AXDND1: variants seen among roughly 807,000 people sequenced by gnomAD.
AXDND1 encodes axonemal dynein light chain domain containing 1.
In AXDND1, 110 loss-of-function variants were observed where a neutral mutation model predicts 137.5. The observed-to-expected ratio is 0.80, with a 90% CI of 0.69 to 0.94. The LOEUF is 0.94. AXDND1 is among the 40% of genes least tolerant of loss of function. The probability of loss-of-function intolerance (pLI) is 0.00; values close to 1 mark genes in which losing one functional copy is unlikely to be tolerated. For synonymous variants in AXDND1, 414 were observed against 399.7 expected, an observed-to-expected ratio of 1.04 and a Z score of -0.43; for missense variants, 1,191 against 1,169.8, an observed-to-expected ratio of 1.02 and a Z score of -0.26.
At chr1:179,427,788 G>C (rs1193065297) in intron 12 of AXDND1, among the ~76,000 whole-genome samples, 1 of 152,026 alleles carries the variant, frequency 6.6e-6, no homozygotes, top group Non-Finnish European at 1.5e-5. Context: ...GACTCAGAGA[G>C]GTAATTTGCC....
chr1:179,394,303 A>C (rs1650671976), intron 10 of AXDND1, among the ~76,000 whole-genome samples: 1 of 152,192 alleles, frequency 6.6e-6, no homozygotes, highest in East Asian at 1.9e-4. Context: ...TAAAATATAG[A>C]TGTTGCTGGG....
chr1:179,419,902 T>C (rs1053689246), intron 12 of AXDND1, among the ~76,000 whole-genome samples: 2 of 152,220 alleles, frequency 1.3e-5, no homozygotes, highest in African/African-American at 4.8e-5. Context: ...TGAATGAGGC[T>C]AATTTGATTT....
At chr1:179,525,560 C>T (rs1670456230) in intron 22 of AXDND1, 113 bp downstream of exon 22, 2 of 1,238,152 alleles carry the variant, frequency 1.6e-6, no homozygotes, top group Non-Finnish European at 1.1e-6. Flanking sequence ...GCTGTGGTAT[C>T]ATCATAGCTC....
At chr1:179,403,131 A>G (rs1652365363) in intron 11 of AXDND1, among the ~76,000 whole-genome samples, 1 of 152,212 alleles carries the variant, frequency 6.6e-6, no homozygotes, top group Non-Finnish European at 1.5e-5. Flanking sequence ...CAATTAACAC[A>G]TATTTTGCAT....
intron 4 of AXDND1, 147 bp from the exon 5 acceptor site, chr1:179,378,489 TC>T: frequency 2.3e-6 from 1 of 438,648 alleles, no homozygotes; most frequent in East Asian, 4.2e-5. Flanking sequence ...AATGCCTCAG[TC>T]TTAGTAAAGT....
At chr1:179,533,692 G>C (rs1205710812) in intron 23 of AXDND1, 103 bp from the exon 24 acceptor site, 2 of 787,484 alleles carry the variant, frequency 2.5e-6, no homozygotes, top group African/African-American at 1.8e-5. Flanking sequence ...ATGGGTAGTA[G>C]ACAAAGAATA....
At chr1:179,403,838 A>G (rs1007304798) in intron 11 of AXDND1, among the ~76,000 whole-genome samples, 1 of 152,164 alleles carries the variant, frequency 6.6e-6, no homozygotes, top group African/African-American at 2.4e-5. Context: ...CAGCATCCCA[A>G]AGTGCTGAGA....
chr1:179,478,172 G>A (rs1664866125), intron 17 of AXDND1, among the ~76,000 whole-genome samples: 1 of 152,204 alleles, frequency 6.6e-6, no homozygotes, highest in African/African-American at 2.4e-5. Context: ...GGTGCATGCT[G>A]TTGGTGGATC....
In AXDND1 at chr1:179,376,587, A is replaced by T. The variant is rs147421721; in HGVS notation, c.375-2050A>T. Among the ~76,000 whole-genome samples the T allele has an allele frequency of 1.3e-4, 20 of 152,244 alleles. No individual in the cohort carries two copies. In the South Asian group the frequency reaches 2.9e-3, roughly 22 times the overall value. ...TCGGTTGCTTACCTAAATCCAAATC[A>T]GTTTCTTGTTCTCACTAATTGTTAC... On this transcript the variant is annotated intron_variant, in intron 4 of 25. Coordinates refer to ENST00000367618, the MANE Select transcript of AXDND1 (RefSeq NM_144696.6).
At chr1:179,473,496 C>A (rs1045871920) in intron 17 of AXDND1, among the ~76,000 whole-genome samples, 36 of 151,728 alleles carry the variant, frequency 2.4e-4, no homozygotes, top group Non-Finnish European at 4.1e-4. Flanking sequence ...GAAACTCTGT[C>A]TCAAAAAAAA....
intron 21 of AXDND1, among the ~76,000 whole-genome samples, chr1:179,520,904 A>G (rs1247118751): frequency 1.4e-5 from 2 of 147,950 alleles, no homozygotes; most frequent in African/African-American, 4.9e-5. Context: ...TATATATATT[A>G]TATATATACA....
chr1:179,378,829 TAATATA>T lies in AXDND1; in HGVS notation c.495+81_495+86del, dbSNP rs1015498298. 1.1e-5 allele frequency: 13 copies of T among 1,189,858 alleles called. No individual in the cohort carries two copies. The African/African-American group carries it at 1.9e-4, about 17-fold the overall frequency. 73.7% of individuals were successfully genotyped at this position (1,189,858 alleles called of 1,614,324 possible). A position where few individuals can be genotyped will look rare whatever the true frequency, so the allele number is the denominator to read the frequency against. On this transcript the variant is annotated intron_variant, in intron 5 of 25. Coordinates refer to ENST00000367618, the MANE Select transcript of AXDND1 (RefSeq NM_144696.6). ...TTAAAAATCATTTTAAAATGATTTT[TAATATA>T]AATATAAAATATAAAACAACGTCAT...
chr1:179,463,889 C>A (rs2125456025), intron 16 of AXDND1, among the ~76,000 whole-genome samples: 1 of 152,214 alleles, frequency 6.6e-6, no homozygotes, highest in Non-Finnish European at 1.5e-5. Flanking sequence ...TTCTTTGTCT[C>A]TTTTGATCTT....
At chr1:179,527,396 A>G (rs1670632091) in intron 22 of AXDND1, among the ~76,000 whole-genome samples, 1 of 152,034 alleles carries the variant, frequency 6.6e-6, no homozygotes, top group Non-Finnish European at 1.5e-5. Context: ...GTCTCATCCT[A>G]TGACTTAGAA....
chr1:179,456,530 A>C, intron 16 of AXDND1: 1 of 776,138 alleles, frequency 1.3e-6, no homozygotes, highest in Non-Finnish European at 2.4e-6. Flanking sequence ...AACCCTGTCC[A>C]ACACTTCCAT....
chr1:179,486,215 G>A (rs1343894980), intron 18 of AXDND1, among the ~76,000 whole-genome samples: 2 of 149,690 alleles, frequency 1.3e-5, no homozygotes, highest in Non-Finnish European at 1.5e-5. Flanking sequence ...AATCAACCAA[G>A]CTGAGGAAAA....
At chr1:179,537,497 A>G (rs914654827) in intron 25 of AXDND1, among the ~76,000 whole-genome samples, 2 of 152,180 alleles carry the variant, frequency 1.3e-5, no homozygotes, top group Non-Finnish European at 2.9e-5. Flanking sequence ...GATTACGTTT[A>G]TTGATTTGCA....
chr1:179,503,658 C>T lies in AXDND1; in HGVS notation c.2389-5638C>T, dbSNP rs578097767. ...CATGTTGGTGTGCTGCACCCATTAACTTGTCATTTAGCATTAGGTATATTT... is the reference window on the plus strand; with the variant it reads ...CATGTTGGTGTGCTGCACCCATTAATTTGTCATTTAGCATTAGGTATATTT... On this transcript the variant is annotated intron_variant, in intron 20 of 25. Coordinates refer to ENST00000367618, the MANE Select transcript of AXDND1 (RefSeq NM_144696.6). Among the ~76,000 whole-genome samples, 12 of 152,086 alleles carry T rather than the reference C, an allele frequency of 7.9e-5. No homozygotes were observed. In the East Asian group the frequency reaches 1.5e-3, roughly 20 times the overall value.
intron 16 of AXDND1, chr1:179,449,859 C>A (rs1660283380): frequency 6.6e-6 from 1 of 151,970 alleles, no homozygotes; most frequent in Non-Finnish European, 1.5e-5. Flanking sequence ...ATCTTACATA[C>A]TGCCATGTTG....
Sources: allele counts gnomAD v4.1 joint callset (sites outside exome capture counted in the v4.1 genomes callset), GRCh38; gene constraint gnomAD v4.1.1; transcripts MANE v1.5; gene names NCBI Gene and HGNC (gene_info 2026-07-23, HGNC 2026-07-21).